The following ROBO2 variants were observed in gnomAD, a reference collection of about 807,000 sequenced individuals.
ROBO2 encodes the protein roundabout homolog 2.
ROBO2 carries 53 observed loss-of-function variants against 160.8 expected under a neutral mutation model. That is an observed-to-expected ratio of 0.33 (90% CI 0.26 to 0.41). The LOEUF (loss-of-function observed/expected upper bound fraction) is 0.41. ROBO2 is among the 10% of genes least tolerant of loss of function. The pLI is 1.00. For synonymous variants in ROBO2, 664 were observed against 611.7 expected, an observed-to-expected ratio of 1.09 and a Z score of -1.26; for missense variants, 1,577 against 1,722.4, an observed-to-expected ratio of 0.92 and a Z score of 1.49.
rs950017085 is a variant in ROBO2 at position 77,373,217 on chromosome 3, A to G, written c.389-104197A>G. On this transcript the variant is annotated intron_variant, in intron 2 of 25. Transcript: ENST00000461745. Reference sequence around the variant, plus strand: ...ATTATTATATAATAAAATAATTAAAATATTACAATAAAATAAAGCAAGACA... The same window carrying G: ...ATTATTATATAATAAAATAATTAAAGTATTACAATAAAATAAAGCAAGACA... Among the ~76,000 whole-genome samples the G allele has an allele frequency of 3.4e-5, 5 of 148,624 alleles. No individual in the cohort carries two copies. The South Asian group carries it at 1.0e-3, about 31-fold the overall frequency.
At chr3:76,666,009 A>G (rs1229830133) in intron 2 of ROBO2, among the ~76,000 whole-genome samples, 4 of 121,566 alleles carry the variant, frequency 3.3e-5, no homozygotes, top group Admixed American at 1.7e-4. Flanking sequence ...TATATAATAT[A>G]TACATATTAT....
chr3:77,481,977 T>C lies in ROBO2; in HGVS notation c.667+758T>C, dbSNP rs77724059. Among the ~76,000 whole-genome samples the C allele has an allele frequency of 4.6e-3, 693 of 152,196 alleles. 18 individuals carry two copies. Among genetic ancestry groups the C allele is most frequent in the Admixed American group, 0.035 (531 of 15,268 alleles). On this transcript the variant is annotated intron_variant, in intron 4 of 25. Coordinates refer to ENST00000461745, the Ensembl canonical transcript of ROBO2. ...ATGACAAAAAATTGGAAAAAATAGATATGCTAAAGATACTCAAAAATGAAA... is the reference window on the plus strand; with the variant it reads ...ATGACAAAAAATTGGAAAAAATAGACATGCTAAAGATACTCAAAAATGAAA...
intron 2 of ROBO2, among the ~76,000 whole-genome samples, chr3:75,947,873 T>G (rs75962975): frequency 6.6e-6 from 1 of 152,110 alleles, no homozygotes; most frequent in African/African-American, 2.4e-5. Flanking sequence ...GATGACATTA[T>G]GTCTGGCCAA....
chr3:76,079,844 A>G (rs946097248), intron 2 of ROBO2, among the ~76,000 whole-genome samples: 2 of 152,174 alleles, frequency 1.3e-5, no homozygotes, highest in African/African-American at 4.8e-5. Context: ...AACAAAGAAA[A>G]AAAGAAAGAA....
At chr3:76,717,401 G>C (rs2093397088) in intron 2 of ROBO2, among the ~76,000 whole-genome samples, 1 of 151,138 alleles carries the variant, frequency 6.6e-6, no homozygotes, top group Admixed American at 6.6e-5. Context: ...CTGAGACAGA[G>C]AATTGCTTGA....
At chr3:77,198,777 C>A (rs1023258374) in intron 2 of ROBO2, among the ~76,000 whole-genome samples, 3 of 152,030 alleles carry the variant, frequency 2.0e-5, no homozygotes, top group African/African-American at 7.2e-5. Context: ...GTGCTGTGTG[C>A]CTGCAATCCC....
chr3:76,121,827 G>C (rs2070764754), intron 2 of ROBO2, among the ~76,000 whole-genome samples: 1 of 152,070 alleles, frequency 6.6e-6, no homozygotes, highest in Non-Finnish European at 1.5e-5. Flanking sequence ...CAGAGCTAGA[G>C]AGTACCTTTG....
intron 2 of ROBO2, among the ~76,000 whole-genome samples, chr3:76,929,656 T>G (rs2077211082): frequency 1.3e-5 from 2 of 152,184 alleles, no homozygotes; most frequent in South Asian, 4.1e-4. Flanking sequence ...CTCCAATGTC[T>G]GTGCATCTCA....
chr3:77,634,929 A>G (rs1330319138), exon 24 of ROBO2: 16 of 1,614,160 alleles, frequency 9.9e-6, no homozygotes, highest in Non-Finnish European at 1.4e-5. Flanking sequence ...TACTGACAGT[A>G]ACACCAGTGC....
At chr3:76,377,896 T>A (rs1251880165) in intron 2 of ROBO2, among the ~76,000 whole-genome samples, 1 of 152,146 alleles carries the variant, frequency 6.6e-6, no homozygotes, top group Admixed American at 6.6e-5. Context: ...GTATCGGTTT[T>A]CTAGGATTGA....
At chr3:76,063,229 G>A (rs564700417) in intron 2 of ROBO2, among the ~76,000 whole-genome samples, 1 of 152,272 alleles carries the variant, frequency 6.6e-6, no homozygotes, top group South Asian at 2.1e-4. Context: ...AATGTAATGT[G>A]GCAGAGGGCA....
At chr3:76,133,702 C>T (rs998108146) in intron 2 of ROBO2, among the ~76,000 whole-genome samples, 27 of 152,080 alleles carry the variant, frequency 1.8e-4, no homozygotes, top group African/African-American at 6.0e-4. Flanking sequence ...GTCTGATGTT[C>T]GAAGGCAGGA....
rs187286021 is a variant in ROBO2 at position 76,030,235 on chromosome 3, T to G, written c.109+92633T>G. Among the ~76,000 whole-genome samples the G allele has an allele frequency of 2.0e-5, 3 of 152,344 alleles. No homozygotes were observed. The East Asian group carries it at 5.8e-4, about 29-fold the overall frequency. ...GTCGTTTGCTTTTTTCTTGTAAATT[T>G]GTTTAAGTTCCTTGTAGATTCTGGA... On this transcript the variant is annotated intron_variant, in intron 2 of 26. Coordinates refer to the ROBO2 transcript ENST00000487694.
intron 2 of ROBO2, among the ~76,000 whole-genome samples, chr3:76,750,328 A>G (rs1303790036): frequency 6.6e-6 from 1 of 152,118 alleles, no homozygotes; most frequent in Non-Finnish European, 1.5e-5. Flanking sequence ...TGACAAACCC[A>G]CAGCCAATAT....
intron 12 of ROBO2, among the ~76,000 whole-genome samples, chr3:77,566,292 A>T (rs1382095046): frequency 6.6e-6 from 1 of 152,012 alleles, no homozygotes; most frequent in Non-Finnish European, 1.5e-5. Context: ...CAGTAATGTG[A>T]TTAATTTTCC....
chr3:77,019,028 T>C (rs992323515), intron 2 of ROBO2, among the ~76,000 whole-genome samples: 2 of 152,194 alleles, frequency 1.3e-5, no homozygotes, highest in African/African-American at 4.8e-5. Context: ...AACAAGAGCA[T>C]CCTTCCAAAT....
chr3:76,283,081 CTT>C lies in ROBO2; in HGVS notation c.109+345482_109+345483del, dbSNP rs976493743. Among the ~76,000 whole-genome samples the C allele has an allele frequency of 1.8e-3, 181 of 101,468 alleles. 6 individuals carry two copies. The highest frequency in any genetic ancestry group is 7.1e-4 in the Non-Finnish European group (34 of 47,904). The allele number at this position is 101,468 out of a possible 152,430, so 66.6% of individuals were successfully genotyped here. ...TCATTACAAGTCTAAAATGTTCAGA[CTT>C]TTAAATAAAACATAAATAAATATAA... On this transcript the variant is annotated intron_variant, in intron 2 of 26. Transcript: ENST00000487694.
chr3:76,451,012 G>A (rs1284676915), intron 2 of ROBO2, among the ~76,000 whole-genome samples: 2 of 152,112 alleles, frequency 1.3e-5, no homozygotes, highest in Non-Finnish European at 2.9e-5. Flanking sequence ...GGCCGCAGAC[G>A]CCTTTCCAGG....
At position 76,073,267 on chromosome 3, in the gene ROBO2, CTTTTTTTTTTTTTTTTTTTTTTTTTTT is replaced by C. The variant is rs869307615; in HGVS notation, c.109+135683_109+135709del. On this transcript the variant is annotated intron_variant, in intron 2 of 26. Transcript: ENST00000487694. ...TTGTAAACTTCTCAGAATGAGTATT[CTTTTTTTTTTTTTTTTTTTTTTTTTTT>C]TTTTTTTTTTTTTTTTTGAGACGGA... Among the ~76,000 whole-genome samples, 13 of 57,404 alleles carry C rather than the reference CTTTTTTTTTTTTTTTTTTTTTTTTTTT, an allele frequency of 2.3e-4. 1 individual carries two copies. The highest frequency in any genetic ancestry group is 1.1e-3 in the Admixed American group (5 of 4,548). The allele number at this position is 57,404 out of a possible 152,430, so 37.7% of individuals were successfully genotyped here.
Sources: gnomAD v4.1 joint callset for allele counts (sites outside exome capture counted in the v4.1 genomes callset) on GRCh38, gnomAD v4.1.1 for gene constraint, MANE v1.5 for transcripts, NCBI Gene and HGNC (gene_info 2026-07-23, HGNC 2026-07-21) for gene names.